MAX: variants seen among roughly 807,000 people sequenced by gnomAD.
MAX encodes MYC associated transcriptional regulator X, also known as protein max.
MAX carries 3 observed loss-of-function variants against 22.3 expected under a neutral mutation model. The ratio of observed to expected loss-of-function variants is 0.13; its 90% confidence interval spans 0.06 to 0.35. The LOEUF (loss-of-function observed/expected upper bound fraction) is 0.35. MAX is among the 10% of genes least tolerant of loss of function. The probability of loss-of-function intolerance (pLI) is 1.00; values close to 1 mark genes in which losing one functional copy is unlikely to be tolerated. For synonymous variants in MAX, 72 were observed against 77.7 expected, an observed-to-expected ratio of 0.93 and a Z score of 0.39; for missense variants, 119 against 209.4, an observed-to-expected ratio of 0.57 and a Z score of 2.66.
At chr14:65,061,874 A>G (rs915515631) in intron 3 of MAX, 1 of 155,158 alleles carries the variant, frequency 6.4e-6, no homozygotes, top group African/African-American at 2.4e-5. Flanking sequence ...GGGGAGAGAA[A>G]GATCTCCTTC....
chr14:65,058,751 A>G (rs550298296), intron 3 of MAX, among the ~76,000 whole-genome samples: 41 of 152,302 alleles, frequency 2.7e-4, no homozygotes, highest in Non-Finnish European at 4.6e-4. Flanking sequence ...TTTCATTAAT[A>G]TTCTGATGTT....
chr14:65,041,288 T>A (rs552725259), intron 3 of MAX, among the ~76,000 whole-genome samples: 1 of 152,334 alleles, frequency 6.6e-6, no homozygotes, highest in South Asian at 2.1e-4. Context: ...AACCAAACTT[T>A]TATTACCTGC....
chr14:65,093,849 G>A lies in MAX; in HGVS notation c.64-34C>T, dbSNP rs2139888569. 2 of 1,220,530 alleles carry A rather than the reference G, an allele frequency of 1.6e-6. No homozygotes were observed. The highest frequency in any genetic ancestry group is 2.4e-6 in the Non-Finnish European group (2 of 820,460). The allele number at this position is 1,220,530 out of a possible 1,614,324, so 75.6% of individuals were successfully genotyped here. On this transcript the variant is annotated intron_variant, in intron 2 of 4. Coordinates refer to ENST00000358664, the MANE Select transcript of MAX (RefSeq NM_002382.5). This position sits in a 1 kb window ranked among gnomAD's most constrained non-coding sequence, Gnocchi z 4.4. ...ATGGGAGAAAGAACACATTAGGAAT[G>A]TCACTCCTTTTGCTTGGTACAAGGT...
At position 65,054,519 on chromosome 14, in the gene MAX, T is replaced by G; in HGVS notation, c.171+39189A>C. 6.5e-7 allele frequency: 1 copy of G among 1,541,884 alleles called. No individual in the cohort carries two copies. Among genetic ancestry groups the G allele is most frequent in the Non-Finnish European group, 8.8e-7 (1 of 1,131,786 alleles). Reference sequence around the variant, plus strand: ...TGGTCTCTGAATTGGTGTGGCTACATTTGTAGATGTGTGCGGAGCAGAGGA... The same window carrying G: ...TGGTCTCTGAATTGGTGTGGCTACAGTTGTAGATGTGTGCGGAGCAGAGGA... On this transcript the variant is annotated intron_variant, in intron 3 of 3. Transcript: ENST00000341653. This position sits in a 1 kb window ranked among gnomAD's most constrained non-coding sequence, Gnocchi z 4.4.
rs193208971 is a variant in MAX at position 65,077,041 on chromosome 14, C to G, written c.296-378G>C. The G allele has an allele frequency of 4.9e-5, 27 of 549,186 alleles. No individual in the cohort carries two copies. The Admixed American group carries it at 8.3e-4, about 17-fold the overall frequency. 34.0% of individuals were successfully genotyped at this position (549,186 alleles called of 1,614,324 possible). The stretch of plus-strand genomic sequence containing the variant: ...TGAGGCTCCACAAGGTGTGAGGCCA[C>G]ACAACAGCAGGAAAGGATGACATAA... On this transcript the variant is annotated intron_variant, in intron 4 of 4. Coordinates refer to ENST00000358664, the MANE Select transcript of MAX (RefSeq NM_002382.5). This position sits in a 1 kb window ranked among gnomAD's most constrained non-coding sequence, Gnocchi z 6.3.
chr14:65,018,136 AT>A, intron 3 of MAX, among the ~76,000 whole-genome samples: 1 of 152,120 alleles, frequency 6.6e-6, no homozygotes, highest in Non-Finnish European at 1.5e-5. Context: ...GGGCCCAGGA[AT>A]TCAAGACCAG....
Position 65,078,100 on chromosome 14 carries a change from C to A in MAX, c.172-64G>T. The A allele has an allele frequency of 6.2e-7, 1 of 1,607,182 alleles. No homozygotes were observed. Among genetic ancestry groups the A allele is most frequent in the Non-Finnish European group, 8.5e-7 (1 of 1,174,606 alleles). ...AAACCCAATCCAGGCAGTGAGGGAA[C>A]CTGGCCTGCAGCAACTGCTTGGGTG... On this transcript the variant is annotated intron_variant, in intron 3 of 4. Coordinates refer to ENST00000358664, the MANE Select transcript of MAX (RefSeq NM_002382.5). This position sits in a 1 kb window ranked among gnomAD's most constrained non-coding sequence, Gnocchi z 6.4.
At chr14:65,064,115 C>G (rs756924117) in intron 3 of MAX, among the ~76,000 whole-genome samples, 1 of 152,134 alleles carries the variant, frequency 6.6e-6, no homozygotes, top group African/African-American at 2.4e-5. Context: ...ATAATAATAC[C>G]AGTAAACAAT....
chr14:65,032,246 C>A lies in MAX; in HGVS notation c.172-25962G>T, dbSNP rs1435809641. On this transcript the variant is annotated intron_variant, in intron 3 of 3. Transcript: ENST00000341653. The surrounding 1 kb of genome is among the most constrained non-coding windows in gnomAD (Gnocchi z 5.0). ...CTAACATCCAAATGAATGAGCATAT[C>A]AGAAGTACCTGAATGATACCATAGA... is the stretch of plus-strand genomic sequence containing the variant. The A allele has an allele frequency of 2.4e-5, 4 of 168,788 alleles. No homozygotes were observed. In the East Asian group the frequency reaches 6.7e-4, roughly 28 times the overall value. 10.5% of individuals were successfully genotyped at this position (168,788 alleles called of 1,614,324 possible).
chr14:65,099,884 A>G (rs1489325387), intron 2 of MAX, among the ~76,000 whole-genome samples: 1 of 152,252 alleles, frequency 6.6e-6, no homozygotes, highest in Non-Finnish European at 1.5e-5. Context: ...TGGAACAACT[A>G]CATCCCCGGA....
chr14:65,018,864 A>C (rs2139538773), intron 3 of MAX, among the ~76,000 whole-genome samples: 1 of 148,318 alleles, frequency 6.7e-6, no homozygotes, highest in East Asian at 2.0e-4. Flanking sequence ...TAATCCCAGC[A>C]CTTTGGGAGA....
chr14:65,092,262 G>GT lies in MAX; in HGVS notation c.171+1445dup, dbSNP rs368287853. The stretch of plus-strand genomic sequence containing the variant: ...AGAAAGGCTGATTCAGTAGTGAATC[G>GT]TATGTGGGTGGTCCGCAACTCACCC... On this transcript the variant is annotated intron_variant, in intron 3 of 4. Coordinates refer to ENST00000358664, the MANE Select transcript of MAX (RefSeq NM_002382.5). 4.4e-3 allele frequency among the ~76,000 whole-genome samples: 663 copies of GT among 152,246 alleles called. 8 individuals are homozygous for GT. The highest frequency in any genetic ancestry group is 0.016 in the African/African-American group (644 of 41,512).
downstream of MAX, among the ~76,000 whole-genome samples, chr14:65,071,481 C>T (rs1420024753): frequency 6.6e-6 from 1 of 152,226 alleles, no homozygotes; most frequent in Non-Finnish European, 1.5e-5. The surrounding 1 kb of genome is among the most constrained non-coding windows in gnomAD (Gnocchi z 4.2). Context: ...AATGGCTGCA[C>T]TACCCAGGAC....
rs183859686 is a variant in MAX, at chr14:65,038,337, G to A, written c.172-32053C>T. Among the ~76,000 whole-genome samples, 34 of 151,958 alleles carry A rather than the reference G, an allele frequency of 2.2e-4. No individual in the cohort carries two copies. In the East Asian group the frequency reaches 5.9e-3, roughly 26 times the overall value. On this transcript the variant is annotated intron_variant, in intron 3 of 3. Transcript: ENST00000341653. ...AGGCAGGAGAATTGCTTGAACCCAG[G>A]AGGCAGAGGTTGCAGTGAGCCGAGA...
At chr14:65,096,224 G>T (rs1428348020) in intron 2 of MAX, among the ~76,000 whole-genome samples, 2 of 152,192 alleles carry the variant, frequency 1.3e-5, no homozygotes, top group African/African-American at 4.8e-5. Flanking sequence ...TTAACTAGCA[G>T]AAGAGTGGAA....
Position 65,076,185 on chromosome 14 carries a change from C to T in MAX, c.*291G>A. On this transcript the variant is annotated 3_prime_UTR_variant, in exon 5 of 5. Transcript: ENST00000358664. This position sits in a 1 kb window ranked among gnomAD's most constrained non-coding sequence, Gnocchi z 6.6. ...TGTGCTCAGAGGTCCGGCCGGCCGT[C>T]TGTCCTCCACAGAAAAAGCTGCCAA... 1.4e-6 allele frequency: 2 copies of T among 1,401,942 alleles called. No homozygotes were observed. The highest frequency in any genetic ancestry group is 1.8e-6 in the Non-Finnish European group (2 of 1,081,532). The allele number at this position is 1,401,942 out of a possible 1,614,324, so 86.8% of individuals were successfully genotyped here. A position where few individuals can be genotyped will look rare whatever the true frequency, so the allele number is the denominator to read the frequency against.
intron 3 of MAX, among the ~76,000 whole-genome samples, chr14:65,048,907 A>G (rs2062546908): frequency 6.6e-6 from 1 of 151,646 alleles, no homozygotes. Flanking sequence ...TGGGTGGATC[A>G]TGAGCTCAGG....
intron 3 of MAX, among the ~76,000 whole-genome samples, chr14:65,091,441 G>A (rs1391454172): frequency 6.6e-6 from 1 of 152,140 alleles, no homozygotes; most frequent in Non-Finnish European, 1.5e-5. Flanking sequence ...CTCAAATTGG[G>A]GTTTTGTTGA....
intron 3 of MAX, among the ~76,000 whole-genome samples, chr14:65,086,766 GA>G (rs1426199420): frequency 6.6e-6 from 1 of 152,236 alleles, no homozygotes; most frequent in African/African-American, 2.4e-5. Flanking sequence ...CATTTTCTGA[GA>G]AGAAATTCAA....
Sources: allele counts gnomAD v4.1 joint callset (sites outside exome capture counted in the v4.1 genomes callset), GRCh38; gene constraint gnomAD v4.1.1; non-coding constraint Gnocchi (gnomAD v3.1); transcripts MANE v1.5; gene names NCBI Gene and HGNC (gene_info 2026-07-23, HGNC 2026-07-21).